The following KIFBP variants were observed in gnomAD, a reference collection of about 807,000 sequenced individuals.
The protein encoded by KIFBP is kinesin family binding protein.
A neutral mutation model predicts 58.9 loss-of-function variants in KIFBP; 46 were observed. The observed-to-expected ratio is 0.78, with a 90% CI of 0.62 to 1.00. KIFBP has a LOEUF of 1.00. Ranked by LOEUF, KIFBP falls within the 50% of genes least tolerant of loss-of-function variation. The probability of loss-of-function intolerance (pLI) is 0.00; values close to 1 mark genes in which losing one functional copy is unlikely to be tolerated. For missense variants in KIFBP, 651 were observed against 752.9 expected (o/e 0.86, Z 1.58); for synonymous variants, 241 against 283.4 (o/e 0.85, Z 1.50).
chr10:69,002,568 A>T (rs1475108696), intron 2 of KIFBP, among the ~76,000 whole-genome samples: 4 of 152,064 alleles, frequency 2.6e-5, no homozygotes, highest in Non-Finnish European at 5.9e-5. Flanking sequence ...TCACAGTCTT[A>T]TATGTGAAAT....
At position 68,989,227 on chromosome 10, in the gene KIFBP, A is replaced by T. The variant is rs1843314134; in HGVS notation, c.395A>T (p.His132Leu). 6.2e-7 allele frequency: 1 copy of T among 1,613,436 alleles called. No homozygotes were observed. Among genetic ancestry groups the T allele is most frequent in the Non-Finnish European group, 8.5e-7 (1 of 1,179,952 alleles). ...LRLLRRYRLS[H>L]DCISLCIQAQ... Reference sequence around the variant, plus strand: ...CTGCTGCGCAGGTACCGGCTCTCGCACGACTGCATCTCTCTCTGCATCCAG... The same window carrying T: ...CTGCTGCGCAGGTACCGGCTCTCGCTCGACTGCATCTCTCTCTGCATCCAG... The change falls in exon 1 of 7, where the codon CAC (histidine) becomes CTC (leucine). Residue 132 changes from histidine to leucine, a missense_variant. Coordinates refer to ENST00000361983, the MANE Select transcript of KIFBP (RefSeq NM_015634.4).
intron 6 of KIFBP, among the ~76,000 whole-genome samples, chr10:69,014,359 A>C (rs777181862): frequency 1.8e-4 from 27 of 152,226 alleles, no homozygotes; most frequent in Non-Finnish European, 3.1e-4. Context: ...AGACTGAAGA[A>C]AAGAAGGCAC....
At chr10:69,008,533 A>G (rs1247232527) in intron 4 of KIFBP, among the ~76,000 whole-genome samples, 1 of 151,006 alleles carries the variant, frequency 6.6e-6, no homozygotes, top group Admixed American at 6.6e-5. Context: ...GATGACAGCC[A>G]TTCCTGTATA....
At chr10:68,996,651 G>A (rs1163321372) in intron 1 of KIFBP, among the ~76,000 whole-genome samples, 2 of 150,350 alleles carry the variant, frequency 1.3e-5, no homozygotes, top group African/African-American at 4.9e-5. Context: ...TCAGCAGTTC[G>A]AGACCAGCCT....
At chr10:69,000,558 T>C (rs1843456245) in intron 2 of KIFBP, 36 bp downstream of exon 2, 1 of 1,250,862 alleles carries the variant, frequency 8.0e-7, no homozygotes, top group African/African-American at 1.5e-5. Flanking sequence ...AAGTTTTGAT[T>C]GAAACTAGTT....
Position 69,016,594 on chromosome 10 carries a change from T to C in KIFBP, c.*178T>C. 1.7e-6 allele frequency: 1 copy of C among 599,964 alleles called. No individual in the cohort carries two copies. The highest frequency in any genetic ancestry group is 2.9e-6 in the Non-Finnish European group (1 of 347,050). The allele number at this position is 599,964 out of a possible 1,614,324, so 37.2% of individuals were successfully genotyped here. On this transcript the variant is annotated 3_prime_UTR_variant, in exon 7 of 7. Coordinates refer to ENST00000361983, the MANE Select transcript of KIFBP (RefSeq NM_015634.4). ...AGGAACATAAAGTTAATTAAAAACT[T>C]ACACCTAATTATGTAAATTGCCTTG...
At chr10:69,000,597 G>T in intron 2 of KIFBP, 75 bp downstream of exon 2, 2 of 966,034 alleles carry the variant, frequency 2.1e-6, no homozygotes, top group South Asian at 2.6e-5. Context: ...TCCCTCATTC[G>T]TAATATTGGT....
chr10:69,015,883 A>T lies in KIFBP; in HGVS notation c.1333A>T (p.Lys445Ter). 6.2e-7 allele frequency: 1 copy of T among 1,614,172 alleles called. No homozygotes were observed. Among genetic ancestry groups the T allele is most frequent in the Non-Finnish European group, 8.5e-7 (1 of 1,180,022 alleles). Residue 445 changes from lysine (K) to a stop codon, truncating the protein, a stop_gained, in exon 7 of 7, where the codon AAG becomes TAG. Coordinates refer to ENST00000361983, the MANE Select transcript of KIFBP (RefSeq NM_015634.4). LOFTEE classifies it high-confidence loss of function. ...TGAAACTGACATGGAGAGACGGTGC[A>T]AGATGCATAAACGCAGAATAGCCAT... ...FFETDMERRCKMHKRRIAMLE... is the reference protein window; with the variant it reads ...FFETDMERRC
intron 1 of KIFBP, among the ~76,000 whole-genome samples, chr10:68,990,422 G>A (rs1843329500): frequency 6.6e-6 from 1 of 151,996 alleles, no homozygotes; most frequent in Admixed American, 6.6e-5. Context: ...GGTGGTACAC[G>A]CCTGTAGTCT....
At chr10:68,997,985 C>T (rs541031246) in intron 1 of KIFBP, among the ~76,000 whole-genome samples, 5 of 151,994 alleles carry the variant, frequency 3.3e-5, no homozygotes, top group African/African-American at 1.2e-4. Flanking sequence ...TGTAAGTTTC[C>T]CGAGGCCTCC....
At chr10:68,990,701 A>G (rs1354411143) in intron 1 of KIFBP, among the ~76,000 whole-genome samples, 1 of 152,102 alleles carries the variant, frequency 6.6e-6, no homozygotes, top group Non-Finnish European at 1.5e-5. Flanking sequence ...AAAGAAGGAA[A>G]ATCGCAGGGC....
intron 1 of KIFBP, chr10:68,991,549 G>A (rs956121236): frequency 1.4e-5 from 6 of 434,380 alleles, no homozygotes; most frequent in Non-Finnish European, 1.9e-5. Context: ...CAAAGCTAAG[G>A]CATTGGCAGC....
intron 1 of KIFBP, among the ~76,000 whole-genome samples, chr10:68,994,995 C>G (rs182667827): frequency 2.1e-4 from 32 of 151,948 alleles, no homozygotes; most frequent in African/African-American, 7.7e-4. Flanking sequence ...ACCTCAGCCT[C>G]CTGAATAGCT....
intron 1 of KIFBP, among the ~76,000 whole-genome samples, chr10:68,998,776 T>A (rs1251476358): frequency 0.037 from 4,652 of 125,526 alleles, 169 homozygotes; most frequent in African/African-American, 0.12. Flanking sequence ...TATATATTTT[T>A]TTTTTTTTTT....
At chr10:68,998,771 A>ATATATATATT (rs1357079794) in intron 1 of KIFBP, among the ~76,000 whole-genome samples, 304 of 99,812 alleles carry the variant, frequency 3.0e-3, no homozygotes, top group East Asian at 5.5e-3. Flanking sequence ...ATATATATAT[A>ATATATATATT]TTTTTTTTTT....
In KIFBP at chr10:68,989,269, G is replaced by C; in HGVS notation, c.426+11G>C. The C allele has an allele frequency of 6.2e-7, 1 of 1,611,382 alleles. No individual in the cohort carries two copies. The highest frequency in any genetic ancestry group is 1.1e-5 in the South Asian group (1 of 90,836). On this transcript the variant is annotated intron_variant, in intron 1 of 6. Coordinates refer to ENST00000361983, the MANE Select transcript of KIFBP (RefSeq NM_015634.4). ...TGCATCCAGGCGCAGGTGAGAGCGAGCCCGGCCAGGCCGGCCCCTGTTGGC... is the reference window on the plus strand; with the variant it reads ...TGCATCCAGGCGCAGGTGAGAGCGACCCCGGCCAGGCCGGCCCCTGTTGGC...
chr10:68,991,537 G>T, intron 1 of KIFBP: 1 of 438,602 alleles, frequency 2.3e-6, no homozygotes, highest in South Asian at 1.8e-5. Context: ...AGAAGCACTT[G>T]ACAAAGCTAA....
In KIFBP at chr10:69,005,915, G is replaced by A. The variant is rs1399051445; in HGVS notation, c.789G>A (p.Lys263=). The change falls in exon 4 of 7, where the codon AAG becomes AAA. Residue 263 remains lysine (K), a splice_region_variant and synonymous_variant. Transcript: ENST00000361983. ...CCTTGTCACAGTTTTACATCAATAAGGTAAGCTTCTTGAAGTAGTTATCTA... is the reference window on the plus strand; with the variant it reads ...CCTTGTCACAGTTTTACATCAATAAAGTAAGCTTCTTGAAGTAGTTATCTA... ...AATLSQFYIN[K]LCFMEARHCL... 6.2e-7 allele frequency: 1 copy of A among 1,613,218 alleles called. No homozygotes were observed. The highest frequency in any genetic ancestry group is 1.1e-5 in the South Asian group (1 of 90,944).
At chr10:68,999,350 G>A (rs773997061) in intron 1 of KIFBP, among the ~76,000 whole-genome samples, 1 of 151,712 alleles carries the variant, frequency 6.6e-6, no homozygotes, top group Admixed American at 6.6e-5. Context: ...TGCCTGCCTC[G>A]GCCTCCCAAA....
Sources: gnomAD v4.1 joint callset for allele counts (sites outside exome capture counted in the v4.1 genomes callset) on GRCh38, gnomAD v4.1.1 for gene constraint, MANE v1.5 for transcripts, NCBI Gene and HGNC (gene_info 2026-07-23, HGNC 2026-07-21) for gene names.